Variants in CDKL5 observed in about 807,000 individuals in gnomAD.
CDKL5 encodes cyclin dependent kinase like 5.
CDKL5 carries 8 observed loss-of-function variants against 61.7 expected under a neutral mutation model. That is an observed-to-expected ratio of 0.13 (90% confidence interval 0.08 to 0.23). The LOEUF is 0.23. CDKL5 is among the 10% of genes least tolerant of loss of function. The pLI, the probability that CDKL5 is intolerant of heterozygous loss-of-function variation, is 1.00. For synonymous variants in CDKL5, 275 were observed against 272.3 expected (o/e 1.01, Z -0.10); for missense variants, 440 against 734.5 (o/e 0.60, Z 4.63).
In CDKL5 at chrX:18,633,257, A is replaced by C; in HGVS notation, c.*4500A>C. ...GGTAGGGTACACTGAACCAAGTCAG[A>C]AAATAGTGAAATATTTCCTTGCCTC... On this transcript the variant is annotated 3_prime_UTR_variant, in exon 18 of 18. Transcript: ENST00000623535. The C allele has an allele frequency of 1.3e-6, 1 of 754,283 alleles. No homozygotes were observed. The allele number at this position is 754,283 out of a possible 1,213,427, so 62.2% of individuals were successfully genotyped here. A position where few individuals can be genotyped will look rare whatever the true frequency, so the allele number is the denominator to read the frequency against.
At chrX:18,648,307 T>G (rs1218152136) in intron 20 of CDKL5, among the ~76,000 whole-genome samples, 1 of 110,691 alleles carries the variant, frequency 9.0e-6, no homozygotes, top group Non-Finnish European at 1.9e-5. Context: ...GGTGCTGCTA[T>G]GTCAGCCCAC....
intron 11 of CDKL5, among the ~76,000 whole-genome samples, chrX:18,601,086 T>C (rs1926163279): frequency 8.9e-6 from 1 of 111,830 alleles, no homozygotes; most frequent in African/African-American, 3.3e-5. Flanking sequence ...CCATATCACA[T>C]TGGTTGCCAC....
chrX:18,639,189 T>C lies in CDKL5; in HGVS notation c.*10432T>C, dbSNP rs1465111023. 8.9e-6 allele frequency among the ~76,000 whole-genome samples: 1 copy of C among 112,132 alleles called. No individual in the cohort carries two copies. Among genetic ancestry groups the C allele is most frequent in the Admixed American group, 9.5e-5 (1 of 10,542 alleles). On this transcript the variant is annotated 3_prime_UTR_variant, in exon 18 of 18. Transcript: ENST00000623535. ...AGCAAAGAGAAAAATAAATTGGACT[T>C]CATCAAATATTTAAAATTTTGTGCT...
chrX:18,530,769 A>G (rs770335845), intron 3 of CDKL5, among the ~76,000 whole-genome samples: 1 of 111,826 alleles, frequency 8.9e-6, no homozygotes, highest in Non-Finnish European at 1.9e-5. Flanking sequence ...GGCAATAGGA[A>G]CTGAATAAAT....
chrX:18,593,467 G>A (rs1201070094), intron 9 of CDKL5, among the ~76,000 whole-genome samples: 1 of 111,456 alleles, frequency 9.0e-6, no homozygotes, highest in Non-Finnish European at 1.9e-5. Context: ...AACATGTACT[G>A]GTATAGGGTC....
intron 1 of CDKL5, among the ~76,000 whole-genome samples, chrX:18,489,277 C>CT (rs774375488): frequency 7.6e-4 from 85 of 111,273 alleles, no homozygotes; most frequent in Non-Finnish European, 1.4e-3. Flanking sequence ...TCTCCTGCCT[C>CT]AGCCTCCCGA....
At chrX:18,490,450 C>T (rs368479654) in intron 1 of CDKL5, among the ~76,000 whole-genome samples, 20 of 109,200 alleles carry the variant, frequency 1.8e-4, no homozygotes, top group African/African-American at 5.7e-4. Context: ...AAAGATACCA[C>T]GCATTTGCTG....
chrX:18,525,781 C>T (rs898809556), intron 3 of CDKL5, among the ~76,000 whole-genome samples: 1 of 93,640 alleles, frequency 1.1e-5, no homozygotes. Context: ...GAGTCTCACT[C>T]TGTTGCCCAG....
intron 1 of CDKL5, among the ~76,000 whole-genome samples, chrX:18,461,614 G>A (rs1356951924): frequency 8.9e-6 from 1 of 112,182 alleles, no homozygotes; most frequent in Non-Finnish European, 1.9e-5. Flanking sequence ...ACTGTTATGG[G>A]AATGAGTGTA....
At chrX:18,597,101 C>A (rs767209145) in intron 10 of CDKL5, among the ~76,000 whole-genome samples, 1 of 110,809 alleles carries the variant, frequency 9.0e-6, no homozygotes, top group Non-Finnish European at 1.9e-5. Flanking sequence ...CCTTCTTATG[C>A]CCCCTTCCAG....
At chrX:18,533,532 C>T (rs1296727740) in intron 3 of CDKL5, among the ~76,000 whole-genome samples, 2 of 111,794 alleles carry the variant, frequency 1.8e-5, no homozygotes, top group East Asian at 2.8e-4. Flanking sequence ...AACAAAATAG[C>T]TTCCATGTGC....
chrX:18,581,999 G>A (rs774035640), intron 7 of CDKL5, 49 bp downstream of exon 7: 7 of 845,901 alleles, frequency 8.3e-6, no homozygotes, highest in Non-Finnish European at 1.8e-6. Context: ...TTAATTTATT[G>A]TAACACATAG....
chrX:18,447,160 ACG>A (rs1931899230), intron 1 of CDKL5, among the ~76,000 whole-genome samples: 1 of 111,199 alleles, frequency 9.0e-6, no homozygotes, highest in Non-Finnish European at 1.9e-5. Flanking sequence ...CTAGCATCTA[ACG>A]GGTAGAGGCG....
intron 3 of CDKL5, among the ~76,000 whole-genome samples, chrX:18,519,068 AGTT>A (rs1208326563): frequency 9.0e-6 from 1 of 111,390 alleles, no homozygotes. Flanking sequence ...CAAATGGCAC[AGTT>A]GAAACTTGAT....
intron 1 of CDKL5, among the ~76,000 whole-genome samples, chrX:18,487,114 A>G (rs1020956633): frequency 8.9e-6 from 1 of 112,266 alleles, no homozygotes; most frequent in African/African-American, 3.2e-5. Context: ...GCCATAATAG[A>G]TGCTTAATAA....
chrX:18,566,466 C>G (rs1049190563), intron 4 of CDKL5, among the ~76,000 whole-genome samples: 10 of 112,642 alleles, frequency 8.9e-5, no homozygotes, highest in Middle Eastern at 4.7e-3. Context: ...CCATTACTTT[C>G]TTTTTAAGTA....
intron 7 of CDKL5, among the ~76,000 whole-genome samples, chrX:18,583,422 AC>A (rs1447904545): frequency 3.6e-5 from 4 of 111,991 alleles, no homozygotes; most frequent in African/African-American, 1.3e-4. Flanking sequence ...TTATGAAGAA[AC>A]ATTGATTATC....
At chrX:18,439,768 T>A (rs1172234381) in intron 1 of CDKL5, among the ~76,000 whole-genome samples, 1 of 101,823 alleles carries the variant, frequency 9.8e-6, no homozygotes, top group East Asian at 3.1e-4. Context: ...AGCCAGGAGG[T>A]GGAGGTTGCA....
At chrX:18,478,451 T>G (rs745337777) in intron 1 of CDKL5, among the ~76,000 whole-genome samples, 45 of 107,068 alleles carry the variant, frequency 4.2e-4, no homozygotes, top group Non-Finnish European at 7.5e-4. Context: ...CCACCACACC[T>G]GGCTAATTTT....
Sources: gnomAD v4.1 joint callset for allele counts (sites outside exome capture counted in the v4.1 genomes callset) on GRCh38, gnomAD v4.1.1 for gene constraint, MANE v1.5 for transcripts, NCBI Gene and HGNC (gene_info 2026-07-23, HGNC 2026-07-21) for gene names.